Variants in RABGAP1L observed in about 807,000 individuals in gnomAD.
RABGAP1L encodes the protein RAB GTPase activating protein 1 like, also known as rab GTPase-activating protein 1-like.
RABGAP1L carries 63 observed loss-of-function variants against 137.7 expected under a neutral mutation model. The ratio of observed to expected loss-of-function variants is 0.46; its 90% confidence interval spans 0.37 to 0.56. RABGAP1L has a LOEUF of 0.56. Ranked by LOEUF, RABGAP1L falls within the 20% of genes least tolerant of loss-of-function variation. The pLI is 0.00. For synonymous variants in RABGAP1L, 431 were observed against 433.7 expected (o/e 0.99, Z 0.08); for missense variants, 1,095 against 1,244.0 (o/e 0.88, Z 1.80).
At chr1:174,449,210 A>G in intron 13 of RABGAP1L, 3 of 1,539,870 alleles carry the variant, frequency 1.9e-6, no homozygotes, top group Non-Finnish European at 2.6e-6. Flanking sequence ...AGAGCTACAT[A>G]GTAAATCAAA....
At chr1:174,882,738 A>C (rs1303184783) in intron 19 of RABGAP1L, among the ~76,000 whole-genome samples, 1 of 152,212 alleles carries the variant, frequency 6.6e-6, no homozygotes, top group Non-Finnish European at 1.5e-5. Flanking sequence ...CATATCATAC[A>C]CACATGAGCA....
chr1:174,546,833 A>T (rs917299403), intron 13 of RABGAP1L, among the ~76,000 whole-genome samples: 1 of 151,838 alleles, frequency 6.6e-6, no homozygotes, highest in South Asian at 2.1e-4. Context: ...GATCGAGACC[A>T]TCCTGGCTAA....
chr1:174,309,668 T>G (rs531758274), intron 11 of RABGAP1L, among the ~76,000 whole-genome samples: 1 of 152,292 alleles, frequency 6.6e-6, no homozygotes, highest in South Asian at 2.1e-4. Context: ...CAGATTTGCA[T>G]ATGTTAACTC....
intron 13 of RABGAP1L, among the ~76,000 whole-genome samples, chr1:174,450,473 A>G (rs1655310671): frequency 6.6e-6 from 1 of 152,202 alleles, no homozygotes; most frequent in African/African-American, 2.4e-5. Flanking sequence ...TTTAAGAGAA[A>G]AATACTTTTG....
At chr1:174,460,836 A>ATAGATAGG (rs1558253807) in intron 13 of RABGAP1L, among the ~76,000 whole-genome samples, 1 of 152,060 alleles carries the variant, frequency 6.6e-6, no homozygotes. Context: ...AAACAGATAG[A>ATAGATAGG]TAGATAGGTA....
intron 25 of RABGAP1L, among the ~76,000 whole-genome samples, chr1:174,989,138 G>A (rs1295246114): frequency 6.6e-6 from 1 of 151,896 alleles, no homozygotes; most frequent in East Asian, 1.9e-4. Context: ...ACAGAATGTG[G>A]TCACTTCAGT....
At chr1:174,492,176 CTT>C (rs756360090) in intron 13 of RABGAP1L, among the ~76,000 whole-genome samples, 9,899 of 119,690 alleles carry the variant, frequency 0.083, 362 homozygotes, top group Middle Eastern at 0.18. Flanking sequence ...TGTCGAATTA[CTT>C]TTTTTTTTTT....
intron 1 of RABGAP1L, among the ~76,000 whole-genome samples, chr1:174,197,655 C>T (rs1196892181): frequency 6.6e-6 from 1 of 152,010 alleles, no homozygotes; most frequent in East Asian, 1.9e-4. Context: ...AAAAATTAGC[C>T]GGGCATTGGT....
intron 13 of RABGAP1L, among the ~76,000 whole-genome samples, chr1:174,523,841 T>A (rs184550341): frequency 1.3e-5 from 2 of 152,290 alleles, no homozygotes; most frequent in East Asian, 3.9e-4. Flanking sequence ...TCAATTTGTG[T>A]GAGATCAAGT....
chr1:174,383,944 T>C (rs1266384344), intron 12 of RABGAP1L, among the ~76,000 whole-genome samples: 1 of 152,170 alleles, frequency 6.6e-6, no homozygotes, highest in Non-Finnish European at 1.5e-5. Context: ...CCCACTGCTG[T>C]GTGTTTACCA....
At chr1:174,282,833 T>C (rs998891186) in intron 10 of RABGAP1L, among the ~76,000 whole-genome samples, 1 of 152,188 alleles carries the variant, frequency 6.6e-6, no homozygotes, top group Non-Finnish European at 1.5e-5. Flanking sequence ...GGGTATACAG[T>C]TGTTCCAGCA....
chr1:174,634,911 A>C (rs1673821685), intron 13 of RABGAP1L, among the ~76,000 whole-genome samples: 1 of 141,588 alleles, frequency 7.1e-6, no homozygotes, highest in Non-Finnish European at 1.5e-5. Flanking sequence ...GAGGGATAGC[A>C]TTGGGAGATA....
At chr1:174,509,406 C>T (rs567539368) in intron 13 of RABGAP1L, among the ~76,000 whole-genome samples, 1 of 152,168 alleles carries the variant, frequency 6.6e-6, no homozygotes, top group East Asian at 1.9e-4. Flanking sequence ...CCTACCTCCT[C>T]TTCTTTCTTC....
At chr1:174,162,803 T>TA (rs1250456199) in intron 1 of RABGAP1L, among the ~76,000 whole-genome samples, 1 of 100,854 alleles carries the variant, frequency 9.9e-6, no homozygotes, top group Non-Finnish European at 1.9e-5. Context: ...TTTTTTTTTT[T>TA]AATTATACTT....
At chr1:174,833,103 A>G (rs1322117069) in intron 19 of RABGAP1L, among the ~76,000 whole-genome samples, 1 of 152,010 alleles carries the variant, frequency 6.6e-6, no homozygotes, top group Non-Finnish European at 1.5e-5. Flanking sequence ...TTTACTCACT[A>G]TTTTTGTACT....
intron 4 of RABGAP1L, 23 bp downstream of exon 4, chr1:174,231,378 T>G: frequency 6.3e-7 from 1 of 1,595,036 alleles, no homozygotes; most frequent in South Asian, 1.1e-5. Flanking sequence ...TTGTTTTTCT[T>G]TAGACACATA....
intron 16 of RABGAP1L, chr1:174,701,224 A>G: frequency 7.9e-7 from 1 of 1,272,496 alleles, no homozygotes; most frequent in Non-Finnish European, 1.0e-6. Context: ...GGGAGAAAAA[A>G]ATAAAGTTAC....
chr1:174,344,362 G>A (rs1045875058), intron 11 of RABGAP1L, among the ~76,000 whole-genome samples: 2 of 152,124 alleles, frequency 1.3e-5, no homozygotes, highest in African/African-American at 2.4e-5. Flanking sequence ...TCTGGCCTTT[G>A]GACTTTCGTT....
chr1:174,272,510 G>A (rs1674640179), intron 8 of RABGAP1L, 30 bp downstream of exon 8: 1 of 1,483,236 alleles, frequency 6.7e-7, no homozygotes, highest in South Asian at 1.5e-5. Flanking sequence ...CCTTAACCAA[G>A]TATAGATGAT....
Sources: allele counts gnomAD v4.1 joint callset (sites outside exome capture counted in the v4.1 genomes callset), GRCh38; gene constraint gnomAD v4.1.1; transcripts MANE v1.5; gene names NCBI Gene and HGNC (gene_info 2026-07-23, HGNC 2026-07-21).